OAS1: variants seen among roughly 807,000 people sequenced by gnomAD.
The protein encoded by OAS1 is 2'-5'-oligoadenylate synthase 1.
A neutral mutation model predicts 38.5 loss-of-function variants in OAS1; 24 were observed. That is an observed-to-expected ratio of 0.62 (90% confidence interval 0.45 to 0.88). OAS1 has a LOEUF of 0.88. Among genes scored for constraint, OAS1 ranks in the 40% least tolerant of loss-of-function variants. The probability of loss-of-function intolerance (pLI) is 0.00; values close to 1 mark genes in which losing one functional copy is unlikely to be tolerated. For missense variants in OAS1, 482 were observed against 493.9 expected, an observed-to-expected ratio of 0.98 and a Z score of 0.23; for synonymous variants, 169 against 193.9, an observed-to-expected ratio of 0.87 and a Z score of 1.07.
At chr12:112,915,110 C>A (rs1264448363) in intron 3 of OAS1, among the ~76,000 whole-genome samples, 4 of 152,096 alleles carry the variant, frequency 2.6e-5, no homozygotes, top group South Asian at 2.1e-4. Context: ...TTTGCAGAAG[C>A]TTTTTAGTTT....
intron 6 of OAS1, among the ~76,000 whole-genome samples, chr12:112,928,704 G>A (rs574929646): frequency 7.2e-5 from 11 of 152,334 alleles, no homozygotes; most frequent in Admixed American, 6.5e-5. Context: ...CTGACGTGCC[G>A]TCACTTCTCA....
At chr12:112,926,974 C>T (rs1159052763) in intron 6 of OAS1, among the ~76,000 whole-genome samples, 7 of 152,064 alleles carry the variant, frequency 4.6e-5, no homozygotes, top group Non-Finnish European at 1.0e-4. Context: ...TTTCTCTTAC[C>T]TGTTTTTGGT....
intron 6 of OAS1, among the ~76,000 whole-genome samples, chr12:112,928,086 C>G (rs1189878519): frequency 6.6e-6 from 1 of 152,174 alleles, no homozygotes; most frequent in East Asian, 1.9e-4. Flanking sequence ...GTGCCAGGAT[C>G]TTTAGTGTTT....
Position 112,919,710 on chromosome 12 carries a change from C to A in OAS1, c.*157C>A, listed in dbSNP as rs1392122362. 9 of 1,525,540 alleles carry A rather than the reference C, an allele frequency of 5.9e-6. No homozygotes were observed. Among genetic ancestry groups the A allele is most frequent in the Non-Finnish European group, 7.9e-6 (9 of 1,132,878 alleles). 94.5% of individuals were successfully genotyped at this position (1,525,540 alleles called of 1,614,324 possible). A position where few individuals can be genotyped will look rare whatever the true frequency, so the allele number is the denominator to read the frequency against. On this transcript the variant is annotated 3_prime_UTR_variant, in exon 6 of 6. Coordinates refer to ENST00000202917, the MANE Select transcript of OAS1 (RefSeq NM_016816.4). Reference sequence around the variant, plus strand: ...GTCTCCTGACTCCTGGCCTTCTATGCCCTCTATCCTATCATAGATAACATT... The same window carrying A: ...GTCTCCTGACTCCTGGCCTTCTATGACCTCTATCCTATCATAGATAACATT...
downstream of OAS1, among the ~76,000 whole-genome samples, chr12:112,923,799 A>G (rs555487208): frequency 6.6e-6 from 1 of 152,346 alleles, no homozygotes; most frequent in South Asian, 2.1e-4. Flanking sequence ...ATTGCCAAGA[A>G]TACACAATGG....
At position 112,925,695 on chromosome 12, in the gene OAS1, A is replaced by G. The variant is rs578042407; in HGVS notation, c.1167+6080A>G. Among the ~76,000 whole-genome samples the G allele has an allele frequency of 8.5e-5, 13 of 152,336 alleles. No individual in the cohort carries two copies. In the South Asian group the frequency reaches 2.7e-3, roughly 32 times the overall value. On this transcript the variant is annotated intron_variant, in intron 6 of 6. Coordinates refer to the OAS1 transcript ENST00000540589. Reference sequence around the variant, plus strand: ...CAGCTACTCAGGAGGCTGAGGAGGAAGAATTCCTTGAGCCCACGAAGTCAA... The same window carrying G: ...CAGCTACTCAGGAGGCTGAGGAGGAGGAATTCCTTGAGCCCACGAAGTCAA...
downstream of OAS1, among the ~76,000 whole-genome samples, chr12:112,921,143 T>C (rs1405537217): frequency 1.3e-5 from 2 of 152,206 alleles, no homozygotes; most frequent in Non-Finnish European, 2.9e-5. Flanking sequence ...TTTGTCCTAT[T>C]TGTAGACTGG....
chr12:112,933,205 C>CT (rs1457183571), downstream of OAS1: 1 of 152,260 alleles, frequency 6.6e-6, no homozygotes, highest in Non-Finnish European at 1.5e-5. Context: ...TAAATAAAAT[C>CT]TTTTTTGAAA....
At chr12:112,920,058 A>G (rs370200655), downstream of OAS1, among the ~76,000 whole-genome samples, 29 of 152,364 alleles carry the variant, frequency 1.9e-4, 1 homozygote, top group Admixed American at 5.9e-4. Context: ...GAATATAGCA[A>G]TGCACAAAAG....
intron 2 of OAS1, among the ~76,000 whole-genome samples, chr12:112,909,671 A>ATCAATCAG (rs1565959034): frequency 6.6e-6 from 1 of 152,190 alleles, no homozygotes; most frequent in East Asian, 1.9e-4. Context: ...CCCTGTCTCA[A>ATCAATCAG]TCAATCAGTC....
chr12:112,917,928 A>G (rs973964029), intron 5 of OAS1: 2 of 1,437,098 alleles, frequency 1.4e-6, no homozygotes, highest in Non-Finnish European at 9.1e-7. Context: ...AAGAGTAATA[A>G]TAAATAATCT....
At chr12:112,921,404 A>G (rs183276631), downstream of OAS1, among the ~76,000 whole-genome samples, 3 of 152,338 alleles carry the variant, frequency 2.0e-5, no homozygotes, top group Admixed American at 6.5e-5. Flanking sequence ...TTTTATAGCA[A>G]TGCCACAACC....
At chr12:112,928,788 G>A (rs117089116) in intron 6 of OAS1, among the ~76,000 whole-genome samples, 15 of 152,246 alleles carry the variant, frequency 9.9e-5, no homozygotes, top group Non-Finnish European at 2.1e-4. Context: ...TCTTTAGTGG[G>A]AGGAACTACA....
intron 2 of OAS1, 98 bp from the exon 3 acceptor site, chr12:112,910,953 T>C: frequency 8.5e-7 from 1 of 1,179,966 alleles, no homozygotes; most frequent in South Asian, 1.5e-5. Flanking sequence ...GCTGCACTTT[T>C]CAATCAAACC....
chr12:112,911,346 G>A (rs2043381508), intron 3 of OAS1, 111 bp downstream of exon 3: 1 of 781,838 alleles, frequency 1.3e-6, no homozygotes, highest in East Asian at 2.8e-5. Context: ...GAGTGGTGGA[G>A]GGAAATAGAG....
At chr12:112,929,078 C>A (rs2043580712) in intron 6 of OAS1, among the ~76,000 whole-genome samples, 1 of 152,216 alleles carries the variant, frequency 6.6e-6, no homozygotes, top group African/African-American at 2.4e-5. Flanking sequence ...TCTTTGCTGC[C>A]AGAGGGCCCT....
chr12:112,919,879 A>T lies in OAS1; in HGVS notation c.*326A>T. On this transcript the variant is annotated 3_prime_UTR_variant, in exon 6 of 6. Transcript: ENST00000202917. Reference sequence around the variant, plus strand: ...GGGTAATGTCTAATGTATTATCAATAACAATAAAAATAAAGCAAATACCAT... The same window carrying T: ...GGGTAATGTCTAATGTATTATCAATTACAATAAAAATAAAGCAAATACCAT... 1.3e-6 allele frequency: 1 copy of T among 775,894 alleles called. No homozygotes were observed. Among genetic ancestry groups the T allele is most frequent in the Non-Finnish European group, 2.0e-6 (1 of 508,794 alleles). 48.1% of individuals were successfully genotyped at this position (775,894 alleles called of 1,614,324 possible).
downstream of OAS1, among the ~76,000 whole-genome samples, chr12:112,921,142 T>G (rs1192083503): frequency 1.3e-5 from 2 of 152,230 alleles, no homozygotes; most frequent in Non-Finnish European, 2.9e-5. Context: ...TTTTGTCCTA[T>G]TTGTAGACTG....
Position 112,919,445 on chromosome 12 carries a change from T to C in OAS1, c.1095T>C (p.Tyr365=). 2 of 1,614,166 alleles carry C rather than the reference T, an allele frequency of 1.2e-6. No individual in the cohort carries two copies. Among genetic ancestry groups the C allele is most frequent in the South Asian group, 2.2e-5 (2 of 91,082 alleles). Residue 365 remains tyrosine, a synonymous_variant, in exon 6 of 6, where the codon TAT becomes TAC. Coordinates refer to ENST00000202917, the MANE Select transcript of OAS1 (RefSeq NM_016816.4). ...ACGATCCCAGGAGGTATCAGAAATA[T>C]GGTTACATTGGAACACATGAGTACC... ...ETDDPRRYQK[Y]GYIGTHEYPH... is the part of the protein sequence containing the mutation.
Sources: gnomAD v4.1 joint callset for allele counts (sites outside exome capture counted in the v4.1 genomes callset) on GRCh38, gnomAD v4.1.1 for gene constraint, MANE v1.5 for transcripts, NCBI Gene and HGNC (gene_info 2026-07-23, HGNC 2026-07-21) for gene names.